Variants in CTNNA2 observed in about 807,000 individuals in gnomAD.
CTNNA2 encodes catenin alpha-2.
In CTNNA2, 42 loss-of-function variants were observed where a neutral mutation model predicts 101.0. The ratio of observed to expected loss-of-function variants is 0.42; its 90% confidence interval spans 0.32 to 0.54. The LOEUF (loss-of-function observed/expected upper bound fraction) is 0.54. Ranked by LOEUF, CTNNA2 falls within the 20% of genes least tolerant of loss-of-function variation. The pLI is 0.14. For synonymous variants in CTNNA2, 450 were observed against 456.4 expected, an observed-to-expected ratio of 0.99 and a Z score of 0.18; for missense variants, 871 against 1,223.1, an observed-to-expected ratio of 0.71 and a Z score of 4.29.
intron 1 of CTNNA2, among the ~76,000 whole-genome samples, chr2:79,192,384 G>A (rs1010915157): frequency 2.6e-5 from 4 of 152,228 alleles, no homozygotes; most frequent in South Asian, 4.1e-4. Flanking sequence ...AACCCTGCAT[G>A]TTCCTCACTT....
At chr2:79,870,071 G>A in intron 5 of CTNNA2, 136 bp downstream of exon 5, 1 of 1,151,010 alleles carries the variant, frequency 8.7e-7, no homozygotes, top group Non-Finnish European at 1.2e-6. Context: ...GACAAAGGTT[G>A]CTTCCTGCAG....
At chr2:80,024,063 G>A in intron 7 of CTNNA2, among the ~76,000 whole-genome samples, 1 of 150,406 alleles carries the variant, frequency 6.6e-6, no homozygotes, top group Admixed American at 6.6e-5. Flanking sequence ...CTTCAGCCTG[G>A]GCGACAGAGC....
At chr2:79,609,157 A>C (rs1678102572) in intron 1 of CTNNA2, among the ~76,000 whole-genome samples, 1 of 151,990 alleles carries the variant, frequency 6.6e-6, no homozygotes, top group Admixed American at 6.6e-5. Flanking sequence ...GTACACCAAA[A>C]ATTATACAAT....
intron 18 of CTNNA2, among the ~76,000 whole-genome samples, chr2:80,623,281 G>A (rs116508680): frequency 0.011 from 1,693 of 151,894 alleles, 36 homozygotes; most frequent in African/African-American, 0.038. Context: ...AAACAAGCAC[G>A]TGAACTAGTA....
chr2:80,175,334 G>A (rs1705324219), intron 7 of CTNNA2, among the ~76,000 whole-genome samples: 1 of 152,062 alleles, frequency 6.6e-6, no homozygotes, highest in Non-Finnish European at 1.5e-5. Flanking sequence ...TTCATTAATT[G>A]TTTGGTCAAT....
At chr2:80,213,915 A>G (rs915656809) in intron 7 of CTNNA2, among the ~76,000 whole-genome samples, 1 of 152,194 alleles carries the variant, frequency 6.6e-6, no homozygotes, top group African/African-American at 2.4e-5. Context: ...GAGTGCATAT[A>G]TATTTAGGAT....
Position 80,432,434 on chromosome 2 carries a change from C to T in CTNNA2, c.1290+12833C>T, listed in dbSNP as rs141346653. ...GCACCTTTTGAAAATTTCCCCACTA[C>T]CACTTCCCACCAGATTGCTGCCTTT... On this transcript the variant is annotated intron_variant, in intron 9 of 18. Coordinates refer to ENST00000402739, the MANE Select transcript of CTNNA2 (RefSeq NM_001282597.3). Among the ~76,000 whole-genome samples, 16 of 152,310 alleles carry T rather than the reference C, an allele frequency of 1.1e-4. No individual in the cohort carries two copies. The East Asian group carries it at 2.9e-3, about 28-fold the overall frequency.
chr2:79,822,028 A>G (rs1407833180), intron 3 of CTNNA2, among the ~76,000 whole-genome samples: 4 of 152,334 alleles, frequency 2.6e-5, no homozygotes, highest in South Asian at 4.1e-4. Flanking sequence ...TATTCCACAT[A>G]AAAGAATACA....
intron 7 of CTNNA2, among the ~76,000 whole-genome samples, chr2:80,116,696 T>C (rs925497688): frequency 1.3e-5 from 2 of 152,124 alleles, no homozygotes; most frequent in Non-Finnish European, 2.9e-5. Context: ...GGTTTCTACT[T>C]TGGTAATTGA....
intron 7 of CTNNA2, among the ~76,000 whole-genome samples, chr2:80,356,463 C>T (rs1034790419): frequency 6.6e-6 from 1 of 152,154 alleles, no homozygotes; most frequent in Non-Finnish European, 1.5e-5. Flanking sequence ...CCGGCTCAAA[C>T]ATCCTGAGCT....
intron 7 of CTNNA2, among the ~76,000 whole-genome samples, chr2:80,213,182 T>C (rs1462246039): frequency 6.6e-6 from 1 of 152,164 alleles, no homozygotes. Flanking sequence ...ATTCATTGAT[T>C]TTTTGAAGGG....
rs144451087 is a variant in CTNNA2 at position 80,374,818 on chromosome 2, C to T, written c.1057-18393C>T. The stretch of plus-strand genomic sequence containing the variant: ...TTAATTACCTCTTTAAAGGTCGTAT[C>T]GCCCAAATATAGTCACATTCTGAGG... On this transcript the variant is annotated intron_variant, in intron 7 of 18. Coordinates refer to ENST00000402739, the MANE Select transcript of CTNNA2 (RefSeq NM_001282597.3). 1.9e-3 allele frequency among the ~76,000 whole-genome samples: 288 copies of T among 152,026 alleles called. 3 individuals carry two copies. Among genetic ancestry groups the T allele is most frequent in the African/African-American group, 6.2e-3 (255 of 41,454 alleles).
At chr2:80,099,144 A>T (rs2148837054) in intron 7 of CTNNA2, among the ~76,000 whole-genome samples, 1 of 151,406 alleles carries the variant, frequency 6.6e-6, no homozygotes, top group South Asian at 2.1e-4. Context: ...GGCCATCTTG[A>T]CTCCACCCCC....
chr2:79,892,865 T>C (rs1000675741), intron 6 of CTNNA2, among the ~76,000 whole-genome samples: 2 of 152,178 alleles, frequency 1.3e-5, no homozygotes, highest in African/African-American at 4.8e-5. Flanking sequence ...AGAGGAAATA[T>C]TGGGGTGGAG....
chr2:79,625,929 G>A (rs1268877001), intron 1 of CTNNA2, among the ~76,000 whole-genome samples: 1 of 152,174 alleles, frequency 6.6e-6, no homozygotes. Flanking sequence ...CTTCTCTTTG[G>A]CCCTCTGGCA....
At chr2:79,789,421 T>G (rs1424070410) in intron 3 of CTNNA2, among the ~76,000 whole-genome samples, 1 of 152,068 alleles carries the variant, frequency 6.6e-6, no homozygotes, top group East Asian at 1.9e-4. Context: ...CAAAGGACAT[T>G]GTGACCAGAG....
intron 2 of CTNNA2, among the ~76,000 whole-genome samples, chr2:79,675,213 T>A (rs1683101984): frequency 6.6e-6 from 1 of 152,210 alleles, no homozygotes; most frequent in Non-Finnish European, 1.5e-5. Flanking sequence ...AATGGGAGAA[T>A]TAGTTGCCTA....
intron 2 of CTNNA2, among the ~76,000 whole-genome samples, chr2:79,213,490 T>C (rs1457385045): frequency 6.6e-6 from 1 of 151,998 alleles, no homozygotes; most frequent in Non-Finnish European, 1.5e-5. Context: ...TGAGAGGTAG[T>C]GGAGGAGAGC....
At chr2:79,288,562 A>T (rs890950642) in intron 2 of CTNNA2, among the ~76,000 whole-genome samples, 1 of 150,566 alleles carries the variant, frequency 6.6e-6, no homozygotes, top group African/African-American at 2.4e-5. Flanking sequence ...ATGAATGGCT[A>T]TTTCTCTCTC....
Sources: gnomAD v4.1 joint callset for allele counts (sites outside exome capture counted in the v4.1 genomes callset) on GRCh38, gnomAD v4.1.1 for gene constraint, MANE v1.5 for transcripts, NCBI Gene and HGNC (gene_info 2026-07-23, HGNC 2026-07-21) for gene names.